Variants in ITCH observed in about 807,000 individuals in gnomAD.
ITCH encodes itchy E3 ubiquitin protein ligase, also known as E3 ubiquitin-protein ligase Itchy homolog.
ITCH carries 28 observed loss-of-function variants against 126.8 expected under a neutral mutation model. The observed-to-expected ratio is 0.22, with a 90% CI of 0.16 to 0.30. ITCH has a LOEUF of 0.30. Among genes scored for constraint, ITCH ranks in the 10% least tolerant of loss-of-function variants. ITCH has a pLI of 1.00. For missense variants in ITCH, 631 were observed against 1,032.4 expected, an observed-to-expected ratio of 0.61 and a Z score of 5.33; for synonymous variants, 342 against 340.0, an observed-to-expected ratio of 1.01 and a Z score of -0.06.
rs201233074 is a variant in ITCH, at chr20:34,436,456, C to T, written c.522-2018C>T. On this transcript the variant is annotated intron_variant, in intron 7 of 24. Transcript: ENST00000374864. ...CTTAAAATAGCATGGAGAGGCAATACGCAGTCTTAAAATGGTTTTGGAAAC... is the reference window on the plus strand; with the variant it reads ...CTTAAAATAGCATGGAGAGGCAATATGCAGTCTTAAAATGGTTTTGGAAAC... Among the ~76,000 whole-genome samples the T allele has an allele frequency of 2.6e-5, 4 of 152,194 alleles. 1 individual carries two copies. The South Asian group carries it at 6.2e-4, about 24-fold the overall frequency.
At chr20:34,375,027 C>T (rs1226450610) in intron 2 of ITCH, among the ~76,000 whole-genome samples, 1 of 151,668 alleles carries the variant, frequency 6.6e-6, no homozygotes, top group Non-Finnish European at 1.5e-5. Flanking sequence ...AGGTGTCAGC[C>T]ACCACGCCTG....
intron 20 of ITCH, among the ~76,000 whole-genome samples, chr20:34,488,357 T>A (rs753238852): frequency 6.6e-6 from 1 of 152,222 alleles, no homozygotes; most frequent in Non-Finnish European, 1.5e-5. Context: ...CATGTTTTTA[T>A]GATTTATGTT....
At chr20:34,408,222 G>A (rs1447175600) in intron 3 of ITCH, among the ~76,000 whole-genome samples, 6 of 151,874 alleles carry the variant, frequency 4.0e-5, no homozygotes, top group Admixed American at 2.6e-4. Context: ...ACTGGCACAC[G>A]CCACTGTGCC....
At chr20:34,462,948 T>G (rs933884126) in intron 14 of ITCH, among the ~76,000 whole-genome samples, 2 of 152,252 alleles carry the variant, frequency 1.3e-5, no homozygotes, top group African/African-American at 4.8e-5. Context: ...CATTCCTTAT[T>G]GAAGCTGAAT....
intron 3 of ITCH, among the ~76,000 whole-genome samples, chr20:34,399,423 A>G (rs376533209): frequency 6.6e-6 from 1 of 152,116 alleles, no homozygotes; most frequent in African/African-American, 2.4e-5. Flanking sequence ...AAAATAAACA[A>G]ATGTCACCAT....
At chr20:34,469,007 T>G (rs1303614110) in intron 14 of ITCH, among the ~76,000 whole-genome samples, 1 of 152,182 alleles carries the variant, frequency 6.6e-6, no homozygotes, top group East Asian at 1.9e-4. Context: ...TGATATACAT[T>G]GAATTTTTAA....
chr20:34,464,931 A>G (rs1986908767), intron 14 of ITCH, among the ~76,000 whole-genome samples: 1 of 151,918 alleles, frequency 6.6e-6, no homozygotes, highest in Non-Finnish European at 1.5e-5. Context: ...GGCTGGTCTC[A>G]AACTCCTGAC....
chr20:34,489,469 T>C, intron 21 of ITCH, 83 bp downstream of exon 21: 2 of 1,302,306 alleles, frequency 1.5e-6, no homozygotes, highest in Non-Finnish European at 1.1e-6. Context: ...TTTCCCATCT[T>C]TCCTGTTACT....
At chr20:34,473,876 C>G (rs910082111) in intron 16 of ITCH, among the ~76,000 whole-genome samples, 1 of 152,212 alleles carries the variant, frequency 6.6e-6, no homozygotes, top group Non-Finnish European at 1.5e-5. Flanking sequence ...TCAGTCTGAA[C>G]ATAATAGCTT....
intron 23 of ITCH, among the ~76,000 whole-genome samples, chr20:34,497,590 T>C (rs528893666): frequency 6.6e-6 from 1 of 152,280 alleles, no homozygotes; most frequent in South Asian, 2.1e-4. Context: ...TTGTTTTTGT[T>C]TTTTGAGATG....
Position 34,432,776 on chromosome 20 carries a change from C to T in ITCH, c.522-5698C>T, listed in dbSNP as rs183087576. Among the ~76,000 whole-genome samples the T allele has an allele frequency of 1.4e-3, 210 of 150,984 alleles. 1 individual carries two copies. Among genetic ancestry groups the T allele is most frequent in the African/African-American group, 4.8e-3 (197 of 41,082 alleles). On this transcript the variant is annotated intron_variant, in intron 7 of 24. Transcript: ENST00000374864. Reference sequence around the variant, plus strand: ...TTCGAGACCAGCCTGGGTGACATGGCGAAACCCTGTCTCTACTAAAAATAC... The same window carrying T: ...TTCGAGACCAGCCTGGGTGACATGGTGAAACCCTGTCTCTACTAAAAATAC...
At chr20:34,471,330 T>C in intron 15 of ITCH, 114 bp from the exon 16 acceptor site, 1 of 703,712 alleles carries the variant, frequency 1.4e-6, no homozygotes, top group Non-Finnish European at 2.6e-6. Flanking sequence ...TTTATATTCA[T>C]AGTCTACTTG....
chr20:34,416,359 T>C (rs1022846144), intron 6 of ITCH, among the ~76,000 whole-genome samples: 4 of 152,168 alleles, frequency 2.6e-5, no homozygotes, highest in Non-Finnish European at 4.4e-5. Context: ...GATCATGCCA[T>C]TGCACTCCAG....
At chr20:34,405,875 G>A (rs1295210867) in intron 3 of ITCH, among the ~76,000 whole-genome samples, 1 of 151,472 alleles carries the variant, frequency 6.6e-6, no homozygotes, top group East Asian at 1.9e-4. Flanking sequence ...CCTCCCGCCT[G>A]GGTCTCCCAA....
chr20:34,372,018 A>G (rs969480132), intron 2 of ITCH, among the ~76,000 whole-genome samples: 7 of 152,116 alleles, frequency 4.6e-5, no homozygotes, highest in Admixed American at 2.6e-4. Context: ...TCTTATAATA[A>G]GGCTTCGGCC....
At chr20:34,450,637 A>G (rs546857797) in intron 12 of ITCH, among the ~76,000 whole-genome samples, 2 of 152,358 alleles carry the variant, frequency 1.3e-5, no homozygotes, top group South Asian at 2.1e-4. Context: ...TATAATAGAA[A>G]GTGGAAAACA....
chr20:34,364,286 T>C (rs1295396115), intron 1 of ITCH, among the ~76,000 whole-genome samples: 1 of 152,144 alleles, frequency 6.6e-6, no homozygotes, highest in African/African-American at 2.4e-5. Flanking sequence ...CTTATTACAT[T>C]TTCTGCCATT....
At chr20:34,501,628 A>C (rs983368401) in intron 23 of ITCH, among the ~76,000 whole-genome samples, 6 of 152,084 alleles carry the variant, frequency 3.9e-5, no homozygotes, top group Admixed American at 3.9e-4. Context: ...ATACAAAATT[A>C]GCCAGGCGTG....
At chr20:34,422,798 T>C (rs1369389034) in intron 6 of ITCH, among the ~76,000 whole-genome samples, 2 of 151,838 alleles carry the variant, frequency 1.3e-5, no homozygotes, top group African/African-American at 4.8e-5. Context: ...CACTAATCTG[T>C]ATTTTTTTTT....
Sources: gnomAD v4.1 joint callset for allele counts (sites outside exome capture counted in the v4.1 genomes callset) on GRCh38, gnomAD v4.1.1 for gene constraint, MANE v1.5 for transcripts, NCBI Gene and HGNC (gene_info 2026-07-23, HGNC 2026-07-21) for gene names.